FIG4: variants seen among roughly 807,000 people sequenced by gnomAD.
FIG4 encodes the protein polyphosphoinositide phosphatase.
A neutral mutation model predicts 118.6 loss-of-function variants in FIG4; 112 were observed. The ratio of observed to expected loss-of-function variants is 0.94; its 90% CI spans 0.81 to 1.11. The LOEUF (loss-of-function observed/expected upper bound fraction) is 1.11, where lower values mean the gene tolerates loss of function less well. FIG4 is among the 50% of genes least tolerant of loss of function. FIG4 has a pLI of 0.00. For synonymous variants in FIG4, 369 were observed against 381.2 expected (o/e 0.97, Z 0.37); for missense variants, 969 against 1,111.7 (o/e 0.87, Z 1.83).
At chr6:109,746,717 A>G (rs951838761) in intron 10 of FIG4, among the ~76,000 whole-genome samples, 2 of 152,186 alleles carry the variant, frequency 1.3e-5, no homozygotes, top group Non-Finnish European at 2.9e-5. Context: ...TGAGAGGATC[A>G]TTGTCAGATT....
At chr6:109,720,084 G>A (rs1398127639) in intron 3 of FIG4, among the ~76,000 whole-genome samples, 1 of 152,158 alleles carries the variant, frequency 6.6e-6, no homozygotes, top group African/African-American at 2.4e-5. Flanking sequence ...GTATGGTGAA[G>A]TCATTGTAAG....
At chr6:109,793,507 G>T (rs1778195648) in intron 21 of FIG4, among the ~76,000 whole-genome samples, 1 of 152,208 alleles carries the variant, frequency 6.6e-6, no homozygotes, top group Non-Finnish European at 1.5e-5. Flanking sequence ...ATTCTCAAAA[G>T]AATCCTTCAC....
In FIG4 at chr6:109,757,046, T is replaced by C. The variant is rs373192379; in HGVS notation, c.1138-3204T>C. Among the ~76,000 whole-genome samples the C allele has an allele frequency of 3.9e-5, 6 of 152,320 alleles. No homozygotes were observed. In the East Asian group the frequency reaches 1.2e-3, roughly 29 times the overall value. ...TCTGCGTCGCTCACGCTGGGAGCTG[T>C]AGACCGGAGCTGTTCCTATTCGGCC... On this transcript the variant is annotated intron_variant, in intron 10 of 22. Coordinates refer to ENST00000230124, the MANE Select transcript of FIG4 (RefSeq NM_014845.6).
At chr6:109,704,627 G>A (rs570372574) in intron 1 of FIG4, among the ~76,000 whole-genome samples, 2 of 123,648 alleles carry the variant, frequency 1.6e-5, no homozygotes, top group East Asian at 5.3e-4. Context: ...GGTGAGCCAA[G>A]ATTACACCAC....
At chr6:109,768,494 C>G (rs1331188601) in intron 15 of FIG4, among the ~76,000 whole-genome samples, 1 of 152,140 alleles carries the variant, frequency 6.6e-6, no homozygotes. Flanking sequence ...AGTACACATG[C>G]ATTATCTCAC....
At position 109,738,356 on chromosome 6, in the gene FIG4, G is replaced by C; in HGVS notation, c.678G>C (p.Met226Ile). The part of the protein sequence containing the change: ...GVFGICSEPY[M>I]KYVWNGELLD... ...TTGGGATCTGTAGTGAGCCTTATAT[G>C]AAATATGTATGGAATGGTGAACTTC... Residue 226 changes from methionine to isoleucine, a missense_variant, in exon 7 of 23, where the codon ATG becomes ATC. Physicochemically the swap from Met to Ile is conservative, Grantham distance 10. This residue lies in a region of FIG4 where 393 missense variants were observed against 409.4 expected (regional missense o/e 0.96). Coordinates refer to ENST00000230124, the MANE Select transcript of FIG4 (RefSeq NM_014845.6). 6.2e-7 allele frequency: 1 copy of C among 1,609,498 alleles called. No individual in the cohort carries two copies. Among genetic ancestry groups the C allele is most frequent in the Non-Finnish European group, 8.5e-7 (1 of 1,176,164 alleles).
intron 7 of FIG4, among the ~76,000 whole-genome samples, 154 bp from the exon 8 acceptor site, chr6:109,741,290 A>G (rs1478132136): frequency 1.3e-5 from 2 of 152,178 alleles, no homozygotes; most frequent in Non-Finnish European, 2.9e-5. Flanking sequence ...CTGAAGAACC[A>G]TTAGATCAAG....
intron 17 of FIG4, chr6:109,786,030 T>C: frequency 4.5e-6 from 2 of 447,518 alleles, no homozygotes; most frequent in South Asian, 5.5e-5. Flanking sequence ...TTAAAGAACC[T>C]CCTCTAAATA....
intron 1 of FIG4, among the ~76,000 whole-genome samples, chr6:109,697,592 AT>A (rs1299466846): frequency 6.6e-6 from 1 of 152,152 alleles, no homozygotes; most frequent in Non-Finnish European, 1.5e-5. Flanking sequence ...GGAAACTGCA[AT>A]GTCTTTTGTG....
Position 109,796,791 on chromosome 6 carries a change from A to G in FIG4, c.2486A>G (p.His829Arg). Reference sequence around the variant, plus strand: ...TTTGTTCAGCTGGGGCAGAGTCAACATAAACAAGACAAGAATAGCCAGCAG... The same window carrying G: ...TTTGTTCAGCTGGGGCAGAGTCAACGTAAACAAGACAAGAATAGCCAGCAG... ...SRFVQLGQSQHKQDKNSQQPC... is the reference protein window; with the variant it reads ...SRFVQLGQSQRKQDKNSQQPC... The change falls in exon 22 of 23, where the codon CAT (histidine) becomes CGT (arginine). Residue 829 changes from histidine (H) to arginine (R), a missense_variant. Around this residue, in one of 3 missense-constraint regions of FIG4, gnomAD observed 330 missense variants for 348.1 expected, o/e 0.95. Transcript: ENST00000230124. The G allele has an allele frequency of 1.9e-6, 3 of 1,612,326 alleles. No individual in the cohort carries two copies. The highest frequency in any genetic ancestry group is 1.1e-5 in the South Asian group (1 of 91,036).
intron 22 of FIG4, among the ~76,000 whole-genome samples, chr6:109,823,123 G>A (rs773986191): frequency 2.6e-5 from 4 of 152,006 alleles, no homozygotes; most frequent in South Asian, 2.1e-4. Context: ...TAGGCTTGGC[G>A]ATAAAATCCT....
chr6:109,792,630 G>A lies in FIG4; in HGVS notation c.2425G>A (p.Gly809Ser). Residue 809 changes from glycine to serine, a missense_variant, in exon 21 of 23, where the codon GGC (glycine) becomes AGC (serine). Physicochemically the swap from Gly to Ser is moderately conservative, Grantham distance 56. Coordinates refer to ENST00000230124, the MANE Select transcript of FIG4 (RefSeq NM_014845.6). ...GCTATATGGAATTAACCTCTCAGATGGCCTCTCAGAAGAAGATTTCTCCAT... is the reference window on the plus strand; with the variant it reads ...GCTATATGGAATTAACCTCTCAGATAGCCTCTCAGAAGAAGATTTCTCCAT... ...KELYGINLSD[G>S]LSEEDFSIYS... The A allele has an allele frequency of 6.2e-7, 1 of 1,601,102 alleles. No individual in the cohort carries two copies. The highest frequency in any genetic ancestry group is 8.6e-7 in the Non-Finnish European group (1 of 1,169,344).
intron 18 of FIG4, among the ~76,000 whole-genome samples, chr6:109,787,029 G>C (rs1777984318): frequency 6.6e-6 from 1 of 151,904 alleles, no homozygotes. Context: ...TTTCTCTTTT[G>C]CCTCAAGATA....
At chr6:109,786,166 A>C in intron 17 of FIG4, 136 bp from the exon 18 acceptor site, 1 of 691,246 alleles carries the variant, frequency 1.4e-6, no homozygotes, top group Non-Finnish European at 2.5e-6. Context: ...TGTTGGAGGC[A>C]GGAGCTTACC....
At chr6:109,767,895 A>C (rs1156839724) in intron 15 of FIG4, among the ~76,000 whole-genome samples, 12 of 152,144 alleles carry the variant, frequency 7.9e-5, no homozygotes, top group Non-Finnish European at 1.8e-4. Flanking sequence ...AAAGGTCCTT[A>C]GGAGTGAACT....
chr6:109,750,657 G>A (rs2128388541), intron 10 of FIG4, among the ~76,000 whole-genome samples: 1 of 152,154 alleles, frequency 6.6e-6, no homozygotes, highest in African/African-American at 2.4e-5. Context: ...AAAAAGAAAT[G>A]TTATGCAAAA....
chr6:109,766,640 A>T, intron 14 of FIG4, 89 bp from the exon 15 acceptor site: 1 of 1,088,362 alleles, frequency 9.2e-7, no homozygotes, highest in Non-Finnish European at 1.4e-6. Flanking sequence ...AGAATTTTTA[A>T]AGTATAAGAC....
intron 10 of FIG4, among the ~76,000 whole-genome samples, chr6:109,757,412 A>AAC (rs1776950264): frequency 6.6e-6 from 1 of 152,248 alleles, no homozygotes; most frequent in Non-Finnish European, 1.5e-5. Flanking sequence ...AATAAAATTG[A>AAC]ACACCCATTC....
chr6:109,785,722 A>T (rs201349323), intron 17 of FIG4: 1 of 470,438 alleles, frequency 2.1e-6, no homozygotes, highest in Admixed American at 2.3e-5. Context: ...TGAGGACTCC[A>T]TCTAGTCATG....
Sources: allele counts gnomAD v4.1 joint callset (sites outside exome capture counted in the v4.1 genomes callset), GRCh38; gene constraint gnomAD v4.1.1; regional missense constraint gnomAD v4.1.1; transcripts MANE v1.5; gene names NCBI Gene and HGNC (gene_info 2026-07-23, HGNC 2026-07-21).